Variants in IQCE observed in about 807,000 individuals in gnomAD.
IQCE encodes the protein IQ motif containing E.
In IQCE, 115 loss-of-function variants were observed where a neutral mutation model predicts 96.0. The ratio of observed to expected loss-of-function variants is 1.20; its 90% confidence interval spans 1.03 to 1.40. The LOEUF is 1.40. IQCE is among the 40% of genes most tolerant of loss of function. The probability of loss-of-function intolerance (pLI) is 0.00; values close to 1 mark genes in which losing one functional copy is unlikely to be tolerated. For synonymous variants in IQCE, 412 were observed against 371.2 expected, an observed-to-expected ratio of 1.11 and a Z score of -1.26; for missense variants, 1,041 against 909.1, an observed-to-expected ratio of 1.15 and a Z score of -1.87.
chr7:2,577,088 C>T (rs1261370809), intron 6 of IQCE, among the ~76,000 whole-genome samples: 1 of 152,216 alleles, frequency 6.6e-6, no homozygotes, highest in African/African-American at 2.4e-5. Flanking sequence ...CCCTCCGGTG[C>T]CCTCACGTGA....
chr7:2,587,913 C>G, intron 13 of IQCE, 36 bp downstream of exon 13: 3 of 1,590,344 alleles, frequency 1.9e-6, no homozygotes, highest in South Asian at 2.2e-5. Flanking sequence ...TCGTTGGGGA[C>G]CAGGGGCCTC....
chr7:2,582,626 G>A lies in IQCE; in HGVS notation c.677G>A (p.Cys226Tyr). The change falls in exon 9 of 22, where the codon TGC (cysteine) becomes TAC (tyrosine). Residue 226 changes from cysteine (C) to tyrosine (Y), a missense_variant. By Grantham distance (194) the Cys-to-Tyr change is radical (BLOSUM62 -2). Coordinates refer to ENST00000402050, the MANE Select transcript of IQCE (RefSeq NM_152558.5). Reference protein sequence around the residue: ...KQRILKLEQQCKEKDGTISKL... With the variant: ...KQRILKLEQQYKEKDGTISKL... Reference sequence around the variant, plus strand: ...AGGATCCTGAAGCTGGAACAGCAGTGCAAGGAGAAGGACGGCACCATCAGG... The same window carrying A: ...AGGATCCTGAAGCTGGAACAGCAGTACAAGGAGAAGGACGGCACCATCAGG... 1 of 1,614,072 alleles carries A rather than the reference G, an allele frequency of 6.2e-7. No individual in the cohort carries two copies. Among genetic ancestry groups the A allele is most frequent in the Non-Finnish European group, 8.5e-7 (1 of 1,179,994 alleles).
At position 2,593,953 on chromosome 7, in the gene IQCE, A is replaced by G. The variant is rs144858599; in HGVS notation, c.1349+827A>G. On this transcript the variant is annotated intron_variant, in intron 15 of 21. Coordinates refer to ENST00000402050, the MANE Select transcript of IQCE (RefSeq NM_152558.5). ...TAGCACTCAGAATAATTAGTAAGAC[A>G]TAGACTACCGGAATGAAGAAAACTG... 7.2e-5 allele frequency among the ~76,000 whole-genome samples: 11 copies of G among 152,368 alleles called. No homozygotes were observed. The East Asian group carries it at 1.7e-3, about 24-fold the overall frequency.
Position 2,594,910 on chromosome 7 carries a change from C to T in IQCE, c.1374C>T (p.Ser458=). The change falls in exon 16 of 22, where the codon AGC becomes AGT. Residue 458 remains serine, a synonymous_variant. Coordinates refer to ENST00000402050, the MANE Select transcript of IQCE (RefSeq NM_152558.5). The part of the protein sequence containing the change: ...VLREEIQTLT[S]KLQELQEMKK... ...GAGAGGAGATTCAGACACTTACCAG[C>T]AAGCTCCAAGAATTGCAAGAAATGA... 1 of 1,613,716 alleles carries T rather than the reference C, an allele frequency of 6.2e-7. No individual in the cohort carries two copies.
intron 9 of IQCE, among the ~76,000 whole-genome samples, chr7:2,583,099 T>G (rs111479649): frequency 0.016 from 2,424 of 152,306 alleles, 35 homozygotes; most frequent in Non-Finnish European, 0.026. Flanking sequence ...CCCCCTCGTT[T>G]CCTGCCGAAT....
rs1209716673 is a variant in IQCE, at chr7:2,571,571, C to T, written c.176C>T (p.Ser59Phe). 2 of 1,605,064 alleles carry T rather than the reference C, an allele frequency of 1.2e-6. No homozygotes were observed. The highest frequency in any genetic ancestry group is 1.7e-6 in the Non-Finnish European group (2 of 1,179,960). ...SKPRKVASWR[S>F]LRTAGSMPLG... Reference sequence around the variant, plus strand: ...CCGAGAAAAGTGGCCTCCTGGAGGTCCCTCAGGACGGCAGGGAGCATGCCT... The same window carrying T: ...CCGAGAAAAGTGGCCTCCTGGAGGTTCCTCAGGACGGCAGGGAGCATGCCT... The change falls in exon 4 of 22, where the codon TCC becomes TTC. Residue 59 changes from serine to phenylalanine, a missense_variant. Transcript: ENST00000402050.
At chr7:2,570,927 G>T (rs189319262) in intron 3 of IQCE, among the ~76,000 whole-genome samples, 4 of 152,282 alleles carry the variant, frequency 2.6e-5, no homozygotes, top group African/African-American at 9.6e-5. Flanking sequence ...CTGTGAGTGT[G>T]TAAGAACACG....
intron 16 of IQCE, among the ~76,000 whole-genome samples, chr7:2,595,529 G>A (rs1034550795): frequency 6.6e-6 from 1 of 152,182 alleles, no homozygotes; most frequent in African/African-American, 2.4e-5. Context: ...ATGCTCTCCT[G>A]CCTCTCCACT....
rs79515981 is a variant in IQCE at position 2,590,026 on chromosome 7, G to A, written c.1164G>A (p.Lys388=). 2,598 of 1,613,778 alleles carry A rather than the reference G, an allele frequency of 1.6e-3. 41 individuals carry two copies. In the African/African-American group the frequency reaches 0.031, roughly 19 times the overall value. Residue 388 remains lysine (K), a synonymous_variant, in exon 14 of 22, where the codon AAG becomes AAA. Transcript: ENST00000402050. The part of the protein sequence containing the change: ...LHRQPRGDRN[K]DHERLRGAVR... Reference sequence around the variant, plus strand: ...GACAGCCACGAGGGGACCGCAACAAGGACCACGAGCGTCTCCGAGGGGCTG... The same window carrying A: ...GACAGCCACGAGGGGACCGCAACAAAGACCACGAGCGTCTCCGAGGGGCTG...
At chr7:2,589,735 T>C (rs547235052) in intron 13 of IQCE, among the ~76,000 whole-genome samples, 172 bp from the exon 14 acceptor site, 39 of 152,316 alleles carry the variant, frequency 2.6e-4, no homozygotes, top group Admixed American at 2.2e-3. Flanking sequence ...GATCATGCTC[T>C]TCCAGTAGCT....
At chr7:2,594,093 C>G (rs534659229) in intron 15 of IQCE, among the ~76,000 whole-genome samples, 85 of 151,830 alleles carry the variant, frequency 5.6e-4, no homozygotes, top group Non-Finnish European at 1.1e-3. Flanking sequence ...AACCCCGTCT[C>G]TACCAAAAAT....
At chr7:2,597,005 C>T in intron 16 of IQCE, 1 of 471,372 alleles carries the variant, frequency 2.1e-6, no homozygotes, top group Non-Finnish European at 4.4e-6. Context: ...GAAGATTACA[C>T]TCCCAGGTCC....
intron 1 of IQCE, among the ~76,000 whole-genome samples, chr7:2,563,317 C>T (rs1385879335): frequency 1.3e-5 from 2 of 151,884 alleles, no homozygotes; most frequent in African/African-American, 4.8e-5. Context: ...CCACCTCAGT[C>T]TCCTGTGTAG....
intron 6 of IQCE, among the ~76,000 whole-genome samples, chr7:2,575,403 T>C (rs1013974322): frequency 6.6e-6 from 1 of 152,140 alleles, no homozygotes; most frequent in Non-Finnish European, 1.5e-5. Context: ...GGAGGGAAGG[T>C]GCTGACACCG....
chr7:2,596,604 A>C (rs1784059882), intron 16 of IQCE, among the ~76,000 whole-genome samples: 1 of 152,206 alleles, frequency 6.6e-6, no homozygotes, highest in Non-Finnish European at 1.5e-5. Flanking sequence ...GGTTAAATGG[A>C]GTGAGGAGAG....
At chr7:2,588,022 T>G (rs568732678) in intron 13 of IQCE, 145 bp downstream of exon 13, 69 of 780,534 alleles carry the variant, frequency 8.8e-5, no homozygotes, top group Non-Finnish European at 1.4e-4. Flanking sequence ...AGGAGACTTC[T>G]TCCAGGTCTA....
In IQCE at chr7:2,582,631, G is replaced by C. The variant is rs866861311; in HGVS notation, c.682G>C (p.Glu228Gln). The change falls in exon 9 of 22, where the codon GAG becomes CAG. Residue 228 changes from glutamate to glutamine, a missense_variant. Coordinates refer to ENST00000402050, the MANE Select transcript of IQCE (RefSeq NM_152558.5). ...RILKLEQQCKEKDGTISKLQT... is the reference protein window; with the variant it reads ...RILKLEQQCKQKDGTISKLQT... ...CCTGAAGCTGGAACAGCAGTGCAAG[G>C]AGAAGGACGGCACCATCAGGTGGGC... 1.2e-6 allele frequency: 2 copies of C among 1,614,040 alleles called. No individual in the cohort carries two copies. The highest frequency in any genetic ancestry group is 1.6e-4 in the Middle Eastern group (1 of 6,062).
At chr7:2,606,802 C>T (rs962264740) in intron 20 of IQCE, among the ~76,000 whole-genome samples, 28 of 152,122 alleles carry the variant, frequency 1.8e-4, no homozygotes, top group Non-Finnish European at 3.1e-4. Context: ...AGCATGTCCC[C>T]GGGGAATGGC....
At chr7:2,576,938 A>G (rs982033900) in intron 6 of IQCE, among the ~76,000 whole-genome samples, 3 of 152,106 alleles carry the variant, frequency 2.0e-5, no homozygotes, top group African/African-American at 7.2e-5. Context: ...TGTTGGCGGT[A>G]TTCGTTTAGG....
Sources: allele counts gnomAD v4.1 joint callset (sites outside exome capture counted in the v4.1 genomes callset), GRCh38; gene constraint gnomAD v4.1.1; transcripts MANE v1.5; gene names NCBI Gene and HGNC (gene_info 2026-07-23, HGNC 2026-07-21).